The following DLEU7 variants were observed in gnomAD, a reference collection of about 807,000 sequenced individuals.
The protein encoded by DLEU7 is leukemia-associated protein 7.
Under a neutral mutation model 16.0 loss-of-function variants are expected in DLEU7, and 17 were observed. The observed-to-expected ratio is 1.06, with a 90% CI of 0.73 to 1.59. The LOEUF (loss-of-function observed/expected upper bound fraction) is 1.59. Among genes scored for constraint, DLEU7 ranks in the 40% most tolerant of loss-of-function variants. The pLI is 0.00. For missense variants in DLEU7, 308 were observed against 314.9 expected, an observed-to-expected ratio of 0.98 and a Z score of 0.17; for synonymous variants, 113 against 139.8, an observed-to-expected ratio of 0.81 and a Z score of 1.35.
intron 1 of DLEU7, among the ~76,000 whole-genome samples, chr13:50,754,165 G>T (rs1874678545): frequency 6.6e-6 from 1 of 152,168 alleles, no homozygotes; most frequent in Admixed American, 6.5e-5. Flanking sequence ...TGGATGAAAT[G>T]TTCTGTATAT....
At chr13:50,714,732 C>G (rs147021483) in intron 1 of DLEU7, among the ~76,000 whole-genome samples, 2 of 151,978 alleles carry the variant, frequency 1.3e-5, no homozygotes, top group Non-Finnish European at 2.9e-5. Flanking sequence ...CCTCATCTTA[C>G]GCAAATAAGA....
chr13:50,752,849 A>C (rs1431649565), intron 1 of DLEU7, among the ~76,000 whole-genome samples: 2 of 151,932 alleles, frequency 1.3e-5, no homozygotes, highest in African/African-American at 2.4e-5. Flanking sequence ...AAGGGGACCC[A>C]AGCGGGTTGC....
chr13:50,821,733 A>T (rs1876911150), downstream of DLEU7, among the ~76,000 whole-genome samples: 1 of 36,666 alleles, frequency 2.7e-5, no homozygotes, highest in Non-Finnish European at 7.3e-5. Flanking sequence ...TGGGTAAGGT[A>T]AAAAAAAACA....
At chr13:50,713,250 A>G in intron 1 of DLEU7, 1 of 1,609,056 alleles carries the variant, frequency 6.2e-7, no homozygotes, top group Non-Finnish European at 8.5e-7. Flanking sequence ...GCTGAAAGAA[A>G]TGTAGCATAA....
intron 1 of DLEU7, among the ~76,000 whole-genome samples, chr13:50,833,418 C>A (rs1258442767): frequency 6.6e-6 from 1 of 151,948 alleles, no homozygotes; most frequent in Non-Finnish European, 1.5e-5. Flanking sequence ...AGAGCCAAAT[C>A]ATGAGTGAAC....
At chr13:50,711,779 G>GGGGGGGGCGGC (rs1555287138), downstream of DLEU7, 259 of 135,776 alleles carry the variant, frequency 1.9e-3, 33 homozygotes, top group African/African-American at 7.5e-3. Context: ...TGGCGGGGGC[G>GGGGGGGGCGGC]GGGGGCATTA....
chr13:50,750,844 T>C (rs1303654279), intron 1 of DLEU7, among the ~76,000 whole-genome samples: 1 of 152,172 alleles, frequency 6.6e-6, no homozygotes, highest in African/African-American at 2.4e-5. Context: ...TGGAGGAGTC[T>C]TTAGGGTTTT....
At chr13:50,784,776 C>T (rs1047278253) in intron 1 of DLEU7, among the ~76,000 whole-genome samples, 8 of 152,196 alleles carry the variant, frequency 5.3e-5, no homozygotes, top group African/African-American at 1.7e-4. Context: ...TCCTTCCCTG[C>T]ATCTGTGTGA....
rs180768469 is a variant in DLEU7, at chr13:50,791,724, T to C, written c.459+51464A>G. On this transcript the variant is annotated intron_variant, in intron 1 of 1. Transcript: ENST00000400393. ...AAATTGGCCTGAATGTAAACATCTATTTAAAATGAGAAAAGAAACCACAGC... is the reference window on the plus strand; with the variant it reads ...AAATTGGCCTGAATGTAAACATCTACTTAAAATGAGAAAAGAAACCACAGC... Among the ~76,000 whole-genome samples the C allele has an allele frequency of 1.4e-3, 212 of 152,250 alleles. 1 individual carries two copies. The highest frequency in any genetic ancestry group is 4.8e-3 in the African/African-American group (200 of 41,542).
chr13:50,818,894 C>T (rs1436487075), downstream of DLEU7, among the ~76,000 whole-genome samples: 1 of 152,158 alleles, frequency 6.6e-6, no homozygotes. Flanking sequence ...TTTGTGATGG[C>T]ATTTGGGGTC....
chr13:50,759,514 A>G (rs1205879510), intron 1 of DLEU7, among the ~76,000 whole-genome samples: 3 of 151,474 alleles, frequency 2.0e-5, no homozygotes, highest in Non-Finnish European at 4.4e-5. Flanking sequence ...TTTATGAAGC[A>G]CTTTGTACAC....
intron 1 of DLEU7, among the ~76,000 whole-genome samples, chr13:50,792,863 CTTTTTT>C (rs34476833): frequency 6.9e-6 from 1 of 145,414 alleles, no homozygotes; most frequent in Non-Finnish European, 1.5e-5. Context: ...CTTTGCTCCT[CTTTTTT>C]TTTTTTTCCA....
rs561402735 is a variant in DLEU7, at chr13:50,720,693, A to G, written c.460-7453T>C. On this transcript the variant is annotated intron_variant, in intron 1 of 1. Transcript: ENST00000400393. ...TCTCACTTATTTCTTAACAGAGAGG[A>G]ATAAGAAATGGTCACAATCCTCTTT... Among the ~76,000 whole-genome samples the G allele has an allele frequency of 2.0e-5, 3 of 152,330 alleles. No individual in the cohort carries two copies. The South Asian group carries it at 6.2e-4, about 32-fold the overall frequency.
chr13:50,800,557 T>TA (rs1465320603), intron 1 of DLEU7, among the ~76,000 whole-genome samples: 1 of 152,092 alleles, frequency 6.6e-6, no homozygotes, highest in Non-Finnish European at 1.5e-5. Context: ...AGGCTGCCCT[T>TA]TGAGGAAGAA....
Position 50,753,325 on chromosome 13 carries a change from G to A in DLEU7, c.460-40085C>T, listed in dbSNP as rs527935967. ...TGCACCTGCACTCCTCAGCCCTTGC[G>A]TGGTCAATGGGACTGGGCGCCCTGG... On this transcript the variant is annotated intron_variant, in intron 1 of 1. Coordinates refer to the DLEU7 transcript ENST00000400393. Among the ~76,000 whole-genome samples the A allele has an allele frequency of 8.3e-4, 126 of 152,354 alleles. 1 individual carries two copies. The highest frequency in any genetic ancestry group is 7.3e-5 in the Non-Finnish European group (5 of 68,030).
chr13:50,839,193 G>A (rs1190899015), intron 1 of DLEU7, among the ~76,000 whole-genome samples: 2 of 152,214 alleles, frequency 1.3e-5, no homozygotes, highest in Non-Finnish European at 2.9e-5. Context: ...TGTAATGTAG[G>A]AGAATAAGTT....
intron 1 of DLEU7, among the ~76,000 whole-genome samples, chr13:50,778,809 C>T (rs937225912): frequency 8.5e-5 from 13 of 152,216 alleles, no homozygotes; most frequent in Middle Eastern, 3.4e-3. Context: ...GCCTATGAGC[C>T]GTGAATTTAA....
At chr13:50,808,226 C>T (rs1459204391) in intron 1 of DLEU7, among the ~76,000 whole-genome samples, 1 of 152,140 alleles carries the variant, frequency 6.6e-6, no homozygotes, top group Non-Finnish European at 1.5e-5. Flanking sequence ...TCTAACCTTC[C>T]CTGGTGGGGC....
At chr13:50,776,742 A>AT (rs1474987246) in intron 1 of DLEU7, among the ~76,000 whole-genome samples, 1 of 152,202 alleles carries the variant, frequency 6.6e-6, no homozygotes, top group African/African-American at 2.4e-5. Context: ...TAAAATGTTG[A>AT]TTTTCATATC....
Sources: gnomAD v4.1 joint callset for allele counts (sites outside exome capture counted in the v4.1 genomes callset) on GRCh38, gnomAD v4.1.1 for gene constraint, MANE v1.5 for transcripts, NCBI Gene and HGNC (gene_info 2026-07-23, HGNC 2026-07-21) for gene names.